Variants in NRIP1 observed in about 807,000 individuals in gnomAD.
The protein encoded by NRIP1 is nuclear receptor-interacting protein 1.
Under a neutral mutation model 75.0 loss-of-function variants are expected in NRIP1, and 28 were observed. The observed-to-expected ratio is 0.37, with a 90% confidence interval of 0.28 to 0.51. The LOEUF is 0.51. Among genes scored for constraint, NRIP1 ranks in the 20% least tolerant of loss-of-function variants. The pLI, the probability that NRIP1 is intolerant of heterozygous loss-of-function variation, is 0.92. For synonymous variants in NRIP1, 526 were observed against 487.6 expected, an observed-to-expected ratio of 1.08 and a Z score of -1.04; for missense variants, 1,435 against 1,343.7, an observed-to-expected ratio of 1.07 and a Z score of -1.06.
intron 2 of NRIP1, among the ~76,000 whole-genome samples, chr21:15,034,867 C>G (rs2088796421): frequency 6.6e-6 from 1 of 152,152 alleles, no homozygotes; most frequent in Non-Finnish European, 1.5e-5. Flanking sequence ...TTAAGTAAAA[C>G]AGTGATCATC....
chr21:15,035,556 CTT>C (rs71331704), intron 2 of NRIP1, among the ~76,000 whole-genome samples: 12 of 134,454 alleles, frequency 8.9e-5, no homozygotes, highest in Admixed American at 7.6e-5. Flanking sequence ...TTGTATATGA[CTT>C]TTTTTTTTTT....
At chr21:15,048,205 G>C (rs1843362224) in intron 1 of NRIP1, among the ~76,000 whole-genome samples, 1 of 152,132 alleles carries the variant, frequency 6.6e-6, no homozygotes, top group African/African-American at 2.4e-5. Flanking sequence ...TTTATATATT[G>C]TGAGAATTAT....
chr21:15,061,505 A>G (rs1299584348), intron 1 of NRIP1, among the ~76,000 whole-genome samples: 2 of 152,138 alleles, frequency 1.3e-5, no homozygotes, highest in African/African-American at 4.8e-5. Flanking sequence ...AATGGTAGGG[A>G]AGGGACTACC....
At chr21:15,047,839 A>G (rs2089118920) in intron 1 of NRIP1, among the ~76,000 whole-genome samples, 1 of 152,226 alleles carries the variant, frequency 6.6e-6, no homozygotes, top group African/African-American at 2.4e-5. Context: ...CTGGCACAAG[A>G]GGCCTAGCTT....
At chr21:15,035,556 C>CT (rs71331704) in intron 2 of NRIP1, among the ~76,000 whole-genome samples, 39,211 of 134,480 alleles carry the variant, frequency 0.29, 6,134 homozygotes, top group African/African-American at 0.38. Flanking sequence ...TTGTATATGA[C>CT]TTTTTTTTTT....
intron 3 of NRIP1, among the ~76,000 whole-genome samples, chr21:14,996,889 A>G (rs2087743786): frequency 6.6e-6 from 1 of 151,868 alleles, no homozygotes; most frequent in Non-Finnish European, 1.5e-5. Context: ...TGCTTACATG[A>G]TATAATTTTT....
At position 14,964,825 on chromosome 21, in the gene NRIP1, C is replaced by T. The variant is rs2086679057; in HGVS notation, c.3368G>A (p.Ser1123Asn). The part of the protein sequence containing the change: ...ETKASFFNLR[S>N]PYNSHMGNNA... ...ATTTCCCATATGGCTATTGTAAGGG[C>T]TTCTTAAATTAAAGAAAGAAGCTTT... is the stretch of plus-strand genomic sequence containing the variant. The change falls in exon 4 of 4, where the codon AGC (serine) becomes AAC (asparagine). Residue 1123 changes from serine to asparagine, a missense_variant. Physicochemically the swap from Ser to Asn is conservative, Grantham distance 46. Coordinates refer to ENST00000318948, the MANE Select transcript of NRIP1 (RefSeq NM_003489.4). The T allele has an allele frequency of 6.2e-7, 1 of 1,613,452 alleles. No individual in the cohort carries two copies.
chr21:14,996,211 G>A (rs910935115), intron 3 of NRIP1, among the ~76,000 whole-genome samples: 2 of 152,066 alleles, frequency 1.3e-5, no homozygotes, highest in African/African-American at 4.8e-5. Context: ...TCTTTTTGTA[G>A]TACTAAGTCC....
chr21:14,972,266 T>TA (rs1240558838), intron 3 of NRIP1, among the ~76,000 whole-genome samples: 2 of 152,172 alleles, frequency 1.3e-5, no homozygotes, highest in African/African-American at 4.8e-5. Context: ...GAGAAATCAC[T>TA]AACAATCCTT....
At position 14,968,093 on chromosome 21, in the gene NRIP1, C is replaced by T. The variant is rs767436332; in HGVS notation, c.100G>A (p.Gly34Ser). The T allele has an allele frequency of 1.5e-5, 24 of 1,613,934 alleles. No homozygotes were observed. The South Asian group carries it at 2.2e-4, about 15-fold the overall frequency. The change falls in exon 4 of 4, where the codon GGT (glycine) becomes AGT (serine). Residue 34 changes from glycine to serine, a missense_variant. Gly to Ser is a moderately conservative substitution (Grantham distance 56). Transcript: ENST00000318948. ...GCAGACTTTTTGTCAACGGCAGTAC[C>T]TGATCCCCCTGCTGCCTGATGCATT... ...LLMHQAAGGSGTAVDKKSAGH... is the reference protein window; with the variant it reads ...LLMHQAAGGSSTAVDKKSAGH...
rs150099643 is a variant in NRIP1, at chr21:14,965,920, T to C, written c.2273A>G (p.Glu758Gly). The C allele has an allele frequency of 4.3e-6, 7 of 1,614,010 alleles. No homozygotes were observed. In the African/African-American group the frequency reaches 9.3e-5, roughly 22 times the overall value. ...AGGAATTTGTAAGTCATCACAAGGC[T>C]CAGATTTTATTTTCACCATCAGTAT... Reference protein sequence around the residue: ...EQILMVKIKSEPCDDLQIPNT... With the variant: ...EQILMVKIKSGPCDDLQIPNT... The change falls in exon 4 of 4, where the codon GAG becomes GGG. Residue 758 changes from glutamate (E) to glycine (G), a missense_variant. By Grantham distance (98) the Glu-to-Gly change is moderately conservative. Transcript: ENST00000318948.
chr21:14,965,621 T>A lies in NRIP1; in HGVS notation c.2572A>T (p.Lys858Ter). The A allele has an allele frequency of 6.2e-7, 1 of 1,613,436 alleles. No individual in the cohort carries two copies. The highest frequency in any genetic ancestry group is 8.5e-7 in the Non-Finnish European group (1 of 1,179,898). ...AATGGCTCAGTATAAAGCTTCCTTT[T>A]CTTAGGGACCATGCAAAGATTCTTT... Reference protein sequence around the residue: ...ESKNLCMVPKKRKLYTEPLEN... With the variant: ...ESKNLCMVPK The change falls in exon 4 of 4, where the codon AAA becomes TAA. Residue 858 changes from lysine (K) to a stop codon, truncating the protein, a stop_gained. Transcript: ENST00000318948. LOFTEE classifies it high-confidence loss of function.
chr21:14,991,093 C>G (rs980159972), intron 3 of NRIP1: 2 of 151,990 alleles, frequency 1.3e-5, no homozygotes, highest in East Asian at 3.9e-4. Flanking sequence ...GTCTTGACAA[C>G]AATTGCCTAA....
At chr21:14,975,261 A>C (rs1434517932) in intron 3 of NRIP1, among the ~76,000 whole-genome samples, 1 of 152,148 alleles carries the variant, frequency 6.6e-6, no homozygotes. Context: ...TTTTCCATTC[A>C]TCTTCTGGTT....
chr21:15,063,760 T>G (rs1032649509), intron 1 of NRIP1, among the ~76,000 whole-genome samples: 1 of 152,198 alleles, frequency 6.6e-6, no homozygotes, highest in Non-Finnish European at 1.5e-5. Context: ...ACGTCTTTTT[T>G]CCCCAAAGTA....
At chr21:15,062,031 G>A (rs2089434300) in intron 1 of NRIP1, among the ~76,000 whole-genome samples, 1 of 152,262 alleles carries the variant, frequency 6.6e-6, no homozygotes, top group East Asian at 1.9e-4. Flanking sequence ...TTCTAAAATA[G>A]TGATGTTTGA....
At chr21:14,978,330 A>C (rs1402371563) in intron 3 of NRIP1, among the ~76,000 whole-genome samples, 4 of 152,312 alleles carry the variant, frequency 2.6e-5, no homozygotes, top group Non-Finnish European at 2.9e-5. Flanking sequence ...AAAGTTGTGG[A>C]AATAGCCCTG....
At chr21:14,994,984 C>G (rs2087681791) in intron 3 of NRIP1, among the ~76,000 whole-genome samples, 1 of 152,178 alleles carries the variant, frequency 6.6e-6, no homozygotes, top group Non-Finnish European at 1.5e-5. Flanking sequence ...CAAAATAAAT[C>G]CAAAACCTTT....
intron 3 of NRIP1, among the ~76,000 whole-genome samples, chr21:14,972,190 T>C (rs895531260): frequency 3.9e-5 from 6 of 152,134 alleles, no homozygotes; most frequent in African/African-American, 1.4e-4. Flanking sequence ...TTGAAAGCTC[T>C]TCAGGGAGCA....
Sources: gnomAD v4.1 joint callset for allele counts (sites outside exome capture counted in the v4.1 genomes callset) on GRCh38, gnomAD v4.1.1 for gene constraint, MANE v1.5 for transcripts, NCBI Gene and HGNC (gene_info 2026-07-23, HGNC 2026-07-21) for gene names.